Variants in KIAA0040 observed in about 807,000 individuals in gnomAD.
KIAA0040 encodes the protein KIAA0040.
In KIAA0040, 10 loss-of-function variants were observed where a neutral mutation model predicts 7.2. The observed-to-expected ratio is 1.38, with a 90% CI of 0.85 to 2.34. The LOEUF is 2.34. Ranked by LOEUF, KIAA0040 falls within the 30% of genes most tolerant of loss-of-function variation. The pLI, the probability that KIAA0040 is intolerant of heterozygous loss-of-function variation, is 0.00. For missense variants in KIAA0040, 89 were observed against 108.2 expected (o/e 0.82, Z 0.79); for synonymous variants, 49 against 40.1 (o/e 1.22, Z -0.84).
At chr1:175,176,948 G>A (rs147543636) in intron 2 of KIAA0040, among the ~76,000 whole-genome samples, 18 of 152,204 alleles carry the variant, frequency 1.2e-4, no homozygotes, top group South Asian at 4.2e-4. Flanking sequence ...GGATTGCAGG[G>A]GGGTATCCCA....
At chr1:175,176,669 C>CTTTTTTT (rs34859478) in intron 2 of KIAA0040, among the ~76,000 whole-genome samples, 1,069 of 27,460 alleles carry the variant, frequency 0.039, 374 homozygotes, top group Admixed American at 0.072. Context: ...AAGTAGCATG[C>CTTTTTTT]TTTTTTTTTT....
chr1:175,168,562 C>T (rs1241000958), intron 2 of KIAA0040, among the ~76,000 whole-genome samples: 1 of 152,090 alleles, frequency 6.6e-6, no homozygotes, highest in African/African-American at 2.4e-5. Context: ...TAAAATGATG[C>T]TTTATCATGT....
At chr1:175,172,052 G>A (rs1163959883) in intron 2 of KIAA0040, among the ~76,000 whole-genome samples, 1 of 152,136 alleles carries the variant, frequency 6.6e-6, no homozygotes, top group Admixed American at 6.6e-5. Flanking sequence ...GGAAGGTCTG[G>A]AATCTCCAGT....
chr1:175,176,551 G>A (rs1466426725), intron 2 of KIAA0040: 2 of 151,736 alleles, frequency 1.3e-5, no homozygotes, highest in African/African-American at 4.8e-5. Context: ...CATTCCTAAT[G>A]TTGCAGGGAG....
intron 1 of KIAA0040, among the ~76,000 whole-genome samples, chr1:175,182,055 G>T (rs1157628690): frequency 6.6e-6 from 1 of 152,228 alleles, no homozygotes; most frequent in Non-Finnish European, 1.5e-5. Context: ...GATTTTTCAA[G>T]GTTCTGGCCG....
intron 2 of KIAA0040, among the ~76,000 whole-genome samples, chr1:175,167,530 G>A (rs546759632): frequency 2.0e-5 from 3 of 152,334 alleles, no homozygotes; most frequent in Admixed American, 6.5e-5. Flanking sequence ...ACAGGACCTT[G>A]TAAGCCACGT....
In KIAA0040 at chr1:175,173,188, T is replaced by C. The variant is rs187849676; in HGVS notation, c.-310+4423A>G. ...AGGGGAGCCTTGTGTTGTCCATCAC[T>C]ATCAATTTTCTCCTCTTCACTTCAG... On this transcript the variant is annotated intron_variant, in intron 2 of 3. Coordinates refer to ENST00000423313, the MANE Select transcript of KIAA0040 (RefSeq NM_014656.3). 3.9e-5 allele frequency among the ~76,000 whole-genome samples: 6 copies of C among 152,330 alleles called. No homozygotes were observed. The East Asian group carries it at 1.2e-3, about 29-fold the overall frequency.
intron 1 of KIAA0040, among the ~76,000 whole-genome samples, chr1:175,180,793 A>G (rs1353154498): frequency 1.3e-5 from 2 of 152,166 alleles, no homozygotes; most frequent in African/African-American, 2.4e-5. Context: ...CTTGGAAGTG[A>G]GACTACCCTT....
rs542292281 is a variant in KIAA0040, at chr1:175,175,321, A to G, written c.-310+2290T>C. The stretch of plus-strand genomic sequence containing the variant: ...CAGAGAAATGCAAATCAAAACCACA[A>G]TGAGATACCATCTCACACCAGTTAG... On this transcript the variant is annotated intron_variant, in intron 2 of 3. Coordinates refer to ENST00000423313, the MANE Select transcript of KIAA0040 (RefSeq NM_014656.3). Among the ~76,000 whole-genome samples the G allele has an allele frequency of 6.6e-5, 10 of 151,904 alleles. No homozygotes were observed. The East Asian group carries it at 1.9e-3, about 29-fold the overall frequency.
rs969276412 is a variant in KIAA0040 at position 175,190,407 on chromosome 1, T to C, written c.-384+2233A>G. On this transcript the variant is annotated intron_variant, in intron 1 of 3. Transcript: ENST00000423313. ...CACCTCCACCTATGTTCCAGACCTG[T>C]ATACCCAACTGCTTATCTCCATCTG... is the stretch of plus-strand genomic sequence containing the variant. Among the ~76,000 whole-genome samples the C allele has an allele frequency of 3.9e-5, 6 of 152,348 alleles. No individual in the cohort carries two copies. The South Asian group carries it at 1.2e-3, about 32-fold the overall frequency.
intron 3 of KIAA0040, among the ~76,000 whole-genome samples, chr1:175,165,236 G>A (rs1339437473): frequency 6.6e-6 from 1 of 152,140 alleles, no homozygotes; most frequent in East Asian, 1.9e-4. Context: ...CAGAAGGCCT[G>A]GTTTTGAGCC....
Position 175,157,147 on chromosome 1 carries a change from T to G in KIAA0040, c.*3567A>C, listed in dbSNP as rs1318827542. On this transcript the variant is annotated 3_prime_UTR_variant, in exon 4 of 4. Transcript: ENST00000423313. ...GGCTACTATAGAGGTTTTTGATCCC[T>G]CCTTTCCCAACAAACACTGGATTTA... 2 of 152,212 alleles carry G rather than the reference T, an allele frequency of 1.3e-5. No individual in the cohort carries two copies. Among genetic ancestry groups the G allele is most frequent in the Non-Finnish European group, 1.5e-5 (1 of 68,058 alleles). 9.4% of individuals were successfully genotyped at this position (152,212 alleles called of 1,614,324 possible).
chr1:175,191,686 A>G (rs1417098306), intron 1 of KIAA0040, among the ~76,000 whole-genome samples: 1 of 152,236 alleles, frequency 6.6e-6, no homozygotes, highest in Admixed American at 6.5e-5. Context: ...AGGCTCTCCC[A>G]TTATCTAACA....
intron 1 of KIAA0040, among the ~76,000 whole-genome samples, chr1:175,188,392 C>G (rs1677745703): frequency 6.6e-6 from 1 of 152,138 alleles, no homozygotes; most frequent in South Asian, 2.1e-4. Flanking sequence ...GATTGTCTTT[C>G]AAAGAATTTG....
intron 1 of KIAA0040, among the ~76,000 whole-genome samples, chr1:175,180,902 T>C (rs1571210573): frequency 6.6e-6 from 1 of 152,334 alleles, no homozygotes; most frequent in East Asian, 1.9e-4. Flanking sequence ...CCCAGGCTAG[T>C]GTGCAGTGGC....
intron 1 of KIAA0040, among the ~76,000 whole-genome samples, chr1:175,178,758 T>TCAACTGCC (rs1440028033): frequency 6.6e-6 from 1 of 152,158 alleles, no homozygotes; most frequent in African/African-American, 2.4e-5. Context: ...GATGATAACA[T>TCAACTGCC]CAACTGCCCT....
chr1:175,178,143 T>C (rs1158426184), intron 1 of KIAA0040, among the ~76,000 whole-genome samples: 1 of 152,208 alleles, frequency 6.6e-6, no homozygotes, highest in Non-Finnish European at 1.5e-5. Context: ...CCTACTTGTG[T>C]AGTGGAGCTG....
At chr1:175,181,241 G>C (rs371315119) in intron 1 of KIAA0040, among the ~76,000 whole-genome samples, 1 of 151,986 alleles carries the variant, frequency 6.6e-6, no homozygotes, top group Non-Finnish European at 1.5e-5. Flanking sequence ...TGTGGGGGGC[G>C]GGGGGCTGGC....
chr1:175,160,833 G>A lies in KIAA0040; in HGVS notation c.181C>T (p.Gln61Ter). 2 of 1,550,394 alleles carry A rather than the reference G, an allele frequency of 1.3e-6. No individual in the cohort carries two copies. The highest frequency in any genetic ancestry group is 1.7e-6 in the Non-Finnish European group (2 of 1,146,900). Residue 61 changes from glutamine (Q) to a stop codon, truncating the protein, a stop_gained, in exon 4 of 4, where the codon CAG becomes TAG. Coordinates refer to ENST00000423313, the MANE Select transcript of KIAA0040 (RefSeq NM_014656.3). LOFTEE classifies it high-confidence loss of function. ...CWSPPGKRGQ[Q>*]PEKNKKKKKK... The stretch of plus-strand genomic sequence containing the variant: ...TTCTTCTTCTTGTTCTTCTCTGGCT[G>A]CTGGCCCCTCTTGCCTGGTGGGCTC...
Sources: gnomAD v4.1 joint callset for allele counts (sites outside exome capture counted in the v4.1 genomes callset) on GRCh38, gnomAD v4.1.1 for gene constraint, MANE v1.5 for transcripts, NCBI Gene and HGNC (gene_info 2026-07-23, HGNC 2026-07-21) for gene names.